The following CAMK4 variants were observed in gnomAD, a reference collection of about 807,000 sequenced individuals.
CAMK4 encodes calcium/calmodulin-dependent protein kinase type IV.
Under a neutral mutation model 44.9 loss-of-function variants are expected in CAMK4, and 22 were observed. The observed-to-expected ratio is 0.49, with a 90% CI of 0.35 to 0.70. CAMK4 has a LOEUF of 0.70. CAMK4 is among the 30% of genes least tolerant of loss of function. The pLI is 0.01. For synonymous variants in CAMK4, 218 were observed against 215.4 expected (o/e 1.01, Z -0.11); for missense variants, 498 against 586.8 (o/e 0.85, Z 1.56).
chr5:111,360,445 G>A lies in CAMK4; in HGVS notation c.241-14405G>A, dbSNP rs1750546181. ...GATCATGTGCTCACTGGCTCTATGG[G>A]AGAGGCCAATAAATACTGAACACAC... On this transcript the variant is annotated intron_variant, in intron 2 of 10. Transcript: ENST00000282356. Among the ~76,000 whole-genome samples the A allele has an allele frequency of 2.0e-5, 3 of 152,064 alleles. No homozygotes were observed. The South Asian group carries it at 6.2e-4, about 31-fold the overall frequency.
intron 1 of CAMK4, among the ~76,000 whole-genome samples, chr5:111,238,698 A>C (rs1365700222): frequency 1.4e-5 from 2 of 146,888 alleles, no homozygotes; most frequent in African/African-American, 5.1e-5. Flanking sequence ...CAGATGCCTG[A>C]CATTTCCTCC....
At chr5:111,374,125 C>G (rs977000951) in intron 2 of CAMK4, among the ~76,000 whole-genome samples, 2 of 152,078 alleles carry the variant, frequency 1.3e-5, no homozygotes, top group African/African-American at 4.8e-5. Flanking sequence ...ATTAGAAGTT[C>G]AAAAGGCAAA....
At chr5:111,279,745 G>C (rs76081805) in intron 1 of CAMK4, among the ~76,000 whole-genome samples, 3,016 of 152,192 alleles carry the variant, frequency 0.02, 96 homozygotes, top group African/African-American at 0.069. Context: ...TGCCTGCTGT[G>C]TATGTGTGTG....
At chr5:111,467,755 G>C (rs1189125960) in intron 7 of CAMK4, among the ~76,000 whole-genome samples, 3 of 152,156 alleles carry the variant, frequency 2.0e-5, no homozygotes, top group Non-Finnish European at 4.4e-5. Flanking sequence ...CTGTTGATGG[G>C]AATGTAAACT....
chr5:111,269,949 G>A (rs1195566342), intron 1 of CAMK4: 1 of 152,270 alleles, frequency 6.6e-6, no homozygotes, highest in Non-Finnish European at 1.5e-5. Context: ...CCAACAGTGG[G>A]AAAGTAAGGG....
At chr5:111,331,635 T>G (rs1749171853) in intron 1 of CAMK4, among the ~76,000 whole-genome samples, 1 of 151,676 alleles carries the variant, frequency 6.6e-6, no homozygotes, top group Non-Finnish European at 1.5e-5. Context: ...CCCACTTAAA[T>G]TTGCCCTCCT....
chr5:111,374,040 G>A (rs1469733061), intron 2 of CAMK4, among the ~76,000 whole-genome samples: 2 of 152,086 alleles, frequency 1.3e-5, no homozygotes, highest in African/African-American at 4.8e-5. Flanking sequence ...AACTAACTAG[G>A]ATTCTTTCAT....
At chr5:111,342,867 A>G (rs951922479) in intron 1 of CAMK4, among the ~76,000 whole-genome samples, 1 of 151,644 alleles carries the variant, frequency 6.6e-6, no homozygotes, top group Non-Finnish European at 1.5e-5. Context: ...GGATTTAACA[A>G]CAGTATTTCC....
intron 5 of CAMK4, among the ~76,000 whole-genome samples, chr5:111,445,450 A>G (rs1753992501): frequency 6.6e-6 from 1 of 151,740 alleles, no homozygotes; most frequent in Non-Finnish European, 1.5e-5. Flanking sequence ...TTCTTTTGAG[A>G]CAGGGTCTTG....
chr5:111,273,864 A>C (rs1463378166), intron 1 of CAMK4, among the ~76,000 whole-genome samples: 4 of 151,420 alleles, frequency 2.6e-5, no homozygotes, highest in African/African-American at 9.7e-5. Context: ...GTTAACAGCT[A>C]TGTATTGTTC....
At chr5:111,397,958 C>G (rs766218676) in intron 5 of CAMK4, among the ~76,000 whole-genome samples, 1 of 152,078 alleles carries the variant, frequency 6.6e-6, no homozygotes. Flanking sequence ...TGAGTGATCT[C>G]TATTTGCTTA....
intron 5 of CAMK4, among the ~76,000 whole-genome samples, chr5:111,419,141 G>A (rs1179583657): frequency 6.6e-6 from 1 of 152,160 alleles, no homozygotes; most frequent in Non-Finnish European, 1.5e-5. Flanking sequence ...CATTCTAACT[G>A]GTGTGAGATG....
At chr5:111,330,892 A>G (rs538645397) in intron 1 of CAMK4, among the ~76,000 whole-genome samples, 1 of 151,866 alleles carries the variant, frequency 6.6e-6, no homozygotes, top group Admixed American at 6.6e-5. Context: ...TTTTCAATTA[A>G]AGGTGCTGGA....
At chr5:111,445,872 G>GA (rs35590168) in intron 5 of CAMK4, among the ~76,000 whole-genome samples, 47,930 of 151,844 alleles carry the variant, frequency 0.32, 8,132 homozygotes, top group Non-Finnish European at 0.38. Flanking sequence ...TAAATGCATA[G>GA]AAAAAATGTT....
chr5:111,356,205 T>G (rs1019788571), intron 2 of CAMK4, among the ~76,000 whole-genome samples: 5 of 150,086 alleles, frequency 3.3e-5, no homozygotes, highest in East Asian at 2.0e-4. Flanking sequence ...CTAACTGGTG[T>G]GAGATGGTAT....
chr5:111,427,510 G>C (rs548672397), intron 5 of CAMK4, among the ~76,000 whole-genome samples: 1 of 152,316 alleles, frequency 6.6e-6, no homozygotes, highest in East Asian at 1.9e-4. Flanking sequence ...CTACCCCAGA[G>C]GGGAGCCCAC....
chr5:111,476,588 T>C lies in CAMK4; in HGVS notation c.702-1793T>C, dbSNP rs373725022. On this transcript the variant is annotated intron_variant, in intron 8 of 10. Transcript: ENST00000282356. ...CACCGCGCATGGCCCACTCTTTCCT[T>C]CTTAAGAGTTCTAGCTTGTCACCAC... 2.0e-5 allele frequency among the ~76,000 whole-genome samples: 3 copies of C among 152,212 alleles called. No individual in the cohort carries two copies. The East Asian group carries it at 5.8e-4, about 29-fold the overall frequency.
chr5:111,265,942 T>C (rs574320649), intron 1 of CAMK4: 1 of 152,268 alleles, frequency 6.6e-6, no homozygotes, highest in South Asian at 2.1e-4. Context: ...TTGGAAAGGA[T>C]CTATGTCATG....
intron 5 of CAMK4, among the ~76,000 whole-genome samples, chr5:111,417,248 A>G (rs1428734447): frequency 3.4e-5 from 5 of 148,814 alleles, no homozygotes; most frequent in Non-Finnish European, 7.4e-5. Flanking sequence ...TTTTTGAGAC[A>G]AAGTCTCAGT....
Sources: gnomAD v4.1 joint callset for allele counts (sites outside exome capture counted in the v4.1 genomes callset) on GRCh38, gnomAD v4.1.1 for gene constraint, MANE v1.5 for transcripts, NCBI Gene and HGNC (gene_info 2026-07-23, HGNC 2026-07-21) for gene names.